Variants in APBA2 observed in about 807,000 individuals in gnomAD.
The protein encoded by APBA2 is amyloid beta precursor protein binding family A member 2.
A neutral mutation model predicts 75.0 loss-of-function variants in APBA2; 30 were observed. The observed-to-expected ratio is 0.40, with a 90% CI of 0.30 to 0.54. The LOEUF is 0.54. Ranked by LOEUF, APBA2 falls within the 20% of genes least tolerant of loss-of-function variation. The pLI, the probability that APBA2 is intolerant of heterozygous loss-of-function variation, is 0.49. For synonymous variants in APBA2, 444 were observed against 409.6 expected (o/e 1.08, Z -1.01); for missense variants, 801 against 1,016.1 (o/e 0.79, Z 2.88).
intron 3 of APBA2, among the ~76,000 whole-genome samples, chr15:29,040,292 T>C (rs2040968538): frequency 6.6e-6 from 1 of 152,166 alleles, no homozygotes. Flanking sequence ...TGCAAGAAAC[T>C]GTGAAAGAGT....
intron 6 of APBA2, among the ~76,000 whole-genome samples, chr15:29,088,662 C>T (rs554897707): frequency 6.6e-6 from 1 of 152,286 alleles, no homozygotes; most frequent in African/African-American, 2.4e-5. Context: ...CTCAGCTGCT[C>T]TCCCTTCTTC....
chr15:29,003,339 C>T (rs968141979), intron 3 of APBA2, among the ~76,000 whole-genome samples: 1 of 152,222 alleles, frequency 6.6e-6, no homozygotes, highest in African/African-American at 2.4e-5. Context: ...CTCCAAAGAA[C>T]ATCTGCTGCT....
At chr15:28,899,333 G>A in intron 1 of APBA2, among the ~76,000 whole-genome samples, 1 of 152,198 alleles carries the variant, frequency 6.6e-6, no homozygotes, top group East Asian at 1.9e-4. Flanking sequence ...ACTCTACTTT[G>A]CCCCTTCCGG....
At chr15:29,076,854 C>A (rs1200462956) in intron 6 of APBA2, among the ~76,000 whole-genome samples, 1 of 152,180 alleles carries the variant, frequency 6.6e-6, no homozygotes, top group East Asian at 1.9e-4. Flanking sequence ...AAATGACTTT[C>A]AGCCCTTCCC....
chr15:29,105,863 A>G (rs2044376741), intron 11 of APBA2, among the ~76,000 whole-genome samples: 1 of 152,260 alleles, frequency 6.6e-6, no homozygotes, highest in Non-Finnish European at 1.5e-5. Flanking sequence ...AGCATGTGGC[A>G]TCTCTAAAGG....
chr15:28,908,661 G>C (rs1007056640), intron 1 of APBA2, among the ~76,000 whole-genome samples: 1 of 152,116 alleles, frequency 6.6e-6, no homozygotes, highest in African/African-American at 2.4e-5. Flanking sequence ...GATACCTCAG[G>C]CTCCTGGTTA....
At chr15:28,899,270 C>G (rs2032701809) in intron 1 of APBA2, among the ~76,000 whole-genome samples, 1 of 152,258 alleles carries the variant, frequency 6.6e-6, no homozygotes, top group African/African-American at 2.4e-5. Flanking sequence ...GCCTACGTCT[C>G]TCCCCACCTG....
At position 29,076,051 on chromosome 15, in the gene APBA2, A is replaced by G; in HGVS notation, c.1033-4A>G. ...GTGTTTTATTTTTCCATATTTCCTA[A>G]CAGACAAAGAAGGTGGCATCATTTC... is the stretch of plus-strand genomic sequence containing the variant. On this transcript the variant is annotated splice_region_variant and splice_polypyrimidine_tract_variant and intron_variant, in intron 5 of 14. Transcript: ENST00000683413. 1 of 1,614,038 alleles carries G rather than the reference A, an allele frequency of 6.2e-7. No homozygotes were observed.
chr15:29,010,692 A>G lies in APBA2; in HGVS notation c.-41+14886A>G, dbSNP rs114188349. Among the ~76,000 whole-genome samples, 265 of 152,326 alleles carry G rather than the reference A, an allele frequency of 1.7e-3. 1 individual carries two copies. Among genetic ancestry groups the G allele is most frequent in the African/African-American group, 6.2e-3 (256 of 41,576 alleles). ...ATTATCAATCTTTTCCTTTAAGGTT[A>G]ATGCTTTTTGTGCCCTGTTTAGGAA... On this transcript the variant is annotated intron_variant, in intron 3 of 14. Transcript: ENST00000683413.
chr15:28,929,838 T>C (rs1323022714), intron 2 of APBA2, among the ~76,000 whole-genome samples: 1 of 152,202 alleles, frequency 6.6e-6, no homozygotes, highest in Non-Finnish European at 1.5e-5. Flanking sequence ...GTTCTGCTCT[T>C]AATTTCAAGT....
chr15:28,967,660 G>A (rs1314404739), intron 2 of APBA2, among the ~76,000 whole-genome samples: 3 of 152,060 alleles, frequency 2.0e-5, no homozygotes, highest in Non-Finnish European at 2.9e-5. Flanking sequence ...GGATGGTCTC[G>A]ATCTCCTAAC....
At chr15:29,000,825 G>T (rs2038804992) in intron 3 of APBA2, among the ~76,000 whole-genome samples, 1 of 151,976 alleles carries the variant, frequency 6.6e-6, no homozygotes, top group Non-Finnish European at 1.5e-5. Context: ...GAACTCCTTG[G>T]CCCCTAGAAT....
At chr15:29,037,600 A>C (rs1337333257) in intron 3 of APBA2, among the ~76,000 whole-genome samples, 1 of 152,046 alleles carries the variant, frequency 6.6e-6, no homozygotes, top group Non-Finnish European at 1.5e-5. Flanking sequence ...GTGGGGCTGG[A>C]AGAAATCAGG....
intron 9 of APBA2, among the ~76,000 whole-genome samples, chr15:29,098,845 G>C (rs556104737): frequency 6.6e-6 from 1 of 152,140 alleles, no homozygotes; most frequent in Non-Finnish European, 1.5e-5. Flanking sequence ...CCACTCCCGG[G>C]TAGCCTGACC....
chr15:29,026,543 T>C (rs1272216280), intron 3 of APBA2, among the ~76,000 whole-genome samples: 1 of 152,220 alleles, frequency 6.6e-6, no homozygotes, highest in Non-Finnish European at 1.5e-5. Context: ...ACTGTTTTCA[T>C]TTATTAGCTG....
intron 3 of APBA2, among the ~76,000 whole-genome samples, chr15:29,012,132 T>C (rs1349449075): frequency 6.6e-6 from 1 of 152,256 alleles, no homozygotes; most frequent in Admixed American, 6.5e-5. Context: ...CAATGCATTA[T>C]TATTAACTGA....
chr15:29,101,532 C>T, intron 9 of APBA2, 67 bp from the exon 10 acceptor site: 1 of 1,546,448 alleles, frequency 6.5e-7, no homozygotes, highest in East Asian at 2.4e-5. Context: ...ATGCCCAGCC[C>T]TGGAGTACTT....
chr15:28,983,631 A>G (rs1197760251), intron 2 of APBA2, among the ~76,000 whole-genome samples: 1 of 152,152 alleles, frequency 6.6e-6, no homozygotes, highest in African/African-American at 2.4e-5. Flanking sequence ...CATGGGCCCC[A>G]CCCACCCACC....
chr15:28,984,479 A>G (rs754470605), intron 2 of APBA2, among the ~76,000 whole-genome samples: 2 of 152,028 alleles, frequency 1.3e-5, no homozygotes, highest in African/African-American at 4.8e-5. Context: ...AGCCAGTATC[A>G]GCTTCCAGCC....
Sources: allele counts gnomAD v4.1 joint callset (sites outside exome capture counted in the v4.1 genomes callset), GRCh38; gene constraint gnomAD v4.1.1; transcripts MANE v1.5; gene names NCBI Gene and HGNC (gene_info 2026-07-23, HGNC 2026-07-21).